Variants in NEGR1 observed in about 807,000 individuals in gnomAD.
NEGR1 encodes neuronal growth regulator 1.
In NEGR1, 10 loss-of-function variants were observed where a neutral mutation model predicts 40.9. That is an observed-to-expected ratio of 0.24 (90% CI 0.15 to 0.42). The LOEUF is 0.42. Ranked by LOEUF, NEGR1 falls within the 10% of genes least tolerant of loss-of-function variation. The pLI is 1.00. For synonymous variants in NEGR1, 185 were observed against 166.8 expected (o/e 1.11, Z -0.84); for missense variants, 352 against 438.9 (o/e 0.80, Z 1.77).
chr1:72,157,581 T>C (rs1024151857), intron 1 of NEGR1, among the ~76,000 whole-genome samples: 2 of 152,156 alleles, frequency 1.3e-5, no homozygotes, highest in Admixed American at 1.3e-4. Flanking sequence ...TGCATGATTA[T>C]AAAAGCATTG....
chr1:71,874,732 T>G (rs1291344311), intron 2 of NEGR1, among the ~76,000 whole-genome samples: 1 of 152,202 alleles, frequency 6.6e-6, no homozygotes, highest in Non-Finnish European at 1.5e-5. Context: ...AAATAAAAGA[T>G]AGTTTACACT....
At chr1:71,613,647 C>G (rs1322951582) in intron 4 of NEGR1, among the ~76,000 whole-genome samples, 2 of 147,422 alleles carry the variant, frequency 1.4e-5, no homozygotes, top group African/African-American at 5.1e-5. Context: ...CAAAGCGAAA[C>G]TCCATCTCGA....
intron 5 of NEGR1, 37 bp downstream of exon 5, chr1:71,610,989 A>G (rs1650230904): frequency 6.3e-6 from 10 of 1,591,552 alleles, no homozygotes; most frequent in Non-Finnish European, 8.6e-6. Context: ...GTTAGCTCAA[A>G]GTGCTTAGAA....
chr1:71,780,040 C>CAAAAAAA (rs57576840), intron 2 of NEGR1, among the ~76,000 whole-genome samples: 16 of 99,732 alleles, frequency 1.6e-4, no homozygotes, highest in African/African-American at 4.2e-4. Flanking sequence ...ATAGGAAAAC[C>CAAAAAAA]AAAAAAAAAA....
In NEGR1 at chr1:72,103,511, C is replaced by T. The variant is rs565468725; in HGVS notation, c.177-168200G>A. 3.3e-5 allele frequency among the ~76,000 whole-genome samples: 5 copies of T among 152,222 alleles called. No individual in the cohort carries two copies. The South Asian group carries it at 1.0e-3, about 32-fold the overall frequency. On this transcript the variant is annotated intron_variant, in intron 1 of 6. Transcript: ENST00000357731. ...ATATGCAGTATGCTTCTTGACTTCT[C>T]TGCTTATTCACAGAAAATAGGCAGT...
chr1:71,601,551 T>C (rs1383521406), intron 5 of NEGR1, among the ~76,000 whole-genome samples: 1 of 152,206 alleles, frequency 6.6e-6, no homozygotes, highest in Non-Finnish European at 1.5e-5. Flanking sequence ...AGTCATGGAA[T>C]CAACCTGAGC....
At chr1:72,134,764 T>C in intron 1 of NEGR1, among the ~76,000 whole-genome samples, 1 of 151,398 alleles carries the variant, frequency 6.6e-6, no homozygotes. Flanking sequence ...TGAGATGGAG[T>C]TTCGCTCTTG....
chr1:72,069,441 T>TA (rs373583684), intron 1 of NEGR1, among the ~76,000 whole-genome samples: 4,817 of 148,122 alleles, frequency 0.033, 279 homozygotes, highest in African/African-American at 0.11. Flanking sequence ...AAGACTCTGT[T>TA]AAAAAAAAAA....
At chr1:72,007,309 T>C (rs1646616387) in intron 1 of NEGR1, among the ~76,000 whole-genome samples, 1 of 151,982 alleles carries the variant, frequency 6.6e-6, no homozygotes, top group Non-Finnish European at 1.5e-5. Flanking sequence ...CAAGAGGAAA[T>C]TTAGGCTTAA....
intron 2 of NEGR1, among the ~76,000 whole-genome samples, chr1:71,805,532 C>T (rs575173504): frequency 3.9e-5 from 6 of 152,294 alleles, no homozygotes; most frequent in South Asian, 2.1e-4. Context: ...GGCTGAATTT[C>T]GCCCGATATC....
chr1:72,052,007 A>G (rs11209898), intron 1 of NEGR1, among the ~76,000 whole-genome samples: 50 of 151,168 alleles, frequency 3.3e-4, no homozygotes, highest in African/African-American at 1.2e-3. Flanking sequence ...CTCATCCTCA[A>G]AACAAGCTGA....
intron 2 of NEGR1, among the ~76,000 whole-genome samples, chr1:71,862,946 C>T (rs928724023): frequency 2.0e-5 from 3 of 152,032 alleles, no homozygotes; most frequent in African/African-American, 7.2e-5. Context: ...AGTCAAGAAA[C>T]AACAAATGCT....
At chr1:72,127,928 A>G (rs1650093730) in intron 1 of NEGR1, among the ~76,000 whole-genome samples, 1 of 152,200 alleles carries the variant, frequency 6.6e-6, no homozygotes, top group South Asian at 2.1e-4. Context: ...AAAAAAGAAA[A>G]TAAATGTTTA....
At chr1:72,017,678 T>C (rs1319527201) in intron 1 of NEGR1, among the ~76,000 whole-genome samples, 3 of 152,044 alleles carry the variant, frequency 2.0e-5, no homozygotes, top group Non-Finnish European at 4.4e-5. Context: ...CCAATTATTT[T>C]TTTTTTTCAG....
chr1:71,963,081 A>G (rs573607294), intron 1 of NEGR1, among the ~76,000 whole-genome samples: 1 of 150,964 alleles, frequency 6.6e-6, no homozygotes, highest in Non-Finnish European at 1.5e-5. Flanking sequence ...ATTTTTCTGT[A>G]TCGATATCTA....
At chr1:72,190,717 G>A (rs1213691959) in intron 1 of NEGR1, among the ~76,000 whole-genome samples, 1 of 151,384 alleles carries the variant, frequency 6.6e-6, no homozygotes, top group Non-Finnish European at 1.5e-5. Context: ...GTATACATTT[G>A]ATAATGTACC....
At chr1:72,272,642 CAT>C (rs1442061516) in intron 1 of NEGR1, among the ~76,000 whole-genome samples, 1 of 151,864 alleles carries the variant, frequency 6.6e-6, no homozygotes, top group African/African-American at 2.4e-5. Flanking sequence ...CAATGGAACA[CAT>C]ATTTTCCATG....
chr1:71,761,855 G>A (rs1457115635), intron 3 of NEGR1, among the ~76,000 whole-genome samples: 1 of 152,024 alleles, frequency 6.6e-6, no homozygotes, highest in African/African-American at 2.4e-5. Flanking sequence ...AGGAAACTTA[G>A]GGCATCAGGT....
chr1:71,552,084 T>C (rs1648103451), intron 6 of NEGR1, among the ~76,000 whole-genome samples: 2 of 151,538 alleles, frequency 1.3e-5, no homozygotes, highest in Non-Finnish European at 3.0e-5. Flanking sequence ...CACCCAGCTA[T>C]AGCAAGAATC....
Sources: gnomAD v4.1 joint callset for allele counts (sites outside exome capture counted in the v4.1 genomes callset) on GRCh38, gnomAD v4.1.1 for gene constraint, MANE v1.5 for transcripts, NCBI Gene and HGNC (gene_info 2026-07-23, HGNC 2026-07-21) for gene names.